The following LAMC3 variants were observed in gnomAD, a reference collection of about 807,000 sequenced individuals.
The protein encoded by LAMC3 is laminin subunit gamma 3, also known as laminin subunit gamma-3.
A neutral mutation model predicts 173.8 loss-of-function variants in LAMC3; 128 were observed. That is an observed-to-expected ratio of 0.74 (90% confidence interval 0.64 to 0.85). The LOEUF is 0.85. Among genes scored for constraint, LAMC3 ranks in the 40% least tolerant of loss-of-function variants. The probability of loss-of-function intolerance (pLI) is 0.00; values close to 1 mark genes in which losing one functional copy is unlikely to be tolerated. For synonymous variants in LAMC3, 897 were observed against 909.1 expected, an observed-to-expected ratio of 0.99 and a Z score of 0.24; for missense variants, 2,022 against 2,156.0, an observed-to-expected ratio of 0.94 and a Z score of 1.23.
At chr9:131,059,848 G>T (rs1267103684) in intron 12 of LAMC3, among the ~76,000 whole-genome samples, 1 of 152,238 alleles carries the variant, frequency 6.6e-6, no homozygotes, top group African/African-American at 2.4e-5. Context: ...CTGGGCCTAG[G>T]CTGGGACAGT....
At chr9:131,084,734 T>TA (rs373243323) in intron 24 of LAMC3, among the ~76,000 whole-genome samples, 19,759 of 143,386 alleles carry the variant, frequency 0.14, 1,303 homozygotes, top group South Asian at 0.22. Context: ...CCATCTCTAC[T>TA]AAAAAAAAAA....
Position 131,009,321 on chromosome 9 carries a change from T to C in LAMC3, c.107T>C (p.Leu36Pro). The C allele has an allele frequency of 1.4e-6, 2 of 1,477,604 alleles. No individual in the cohort carries two copies. Among genetic ancestry groups the C allele is most frequent in the Non-Finnish European group, 1.8e-6 (2 of 1,121,494 alleles). 91.5% of individuals were successfully genotyped at this position (1,477,604 alleles called of 1,614,324 possible). ...YDGAGRPQRC[L>P]PVFENAAFGR... Reference sequence around the variant, plus strand: ...GGCGCAGGGCGCCCGCAGCGCTGCCTGCCGGTGTTCGAGAACGCGGCGTTT... The same window carrying C: ...GGCGCAGGGCGCCCGCAGCGCTGCCCGCCGGTGTTCGAGAACGCGGCGTTT... Residue 36 changes from leucine to proline, a missense_variant, in exon 1 of 28, where the codon CTG becomes CCG. By Grantham distance (98) the Leu-to-Pro change is moderately conservative (BLOSUM62 -3). Coordinates refer to ENST00000361069, the MANE Select transcript of LAMC3 (RefSeq NM_006059.4). This position sits in a 1 kb window ranked among gnomAD's most constrained non-coding sequence, Gnocchi z 4.3.
chr9:131,017,078 G>T (rs1019068634), intron 1 of LAMC3, among the ~76,000 whole-genome samples: 6 of 152,224 alleles, frequency 3.9e-5, no homozygotes, highest in Admixed American at 6.5e-5. Context: ...TCTGGGGGCG[G>T]CCTGGTGTCT....
chr9:131,053,298 C>A (rs7864673), intron 11 of LAMC3, among the ~76,000 whole-genome samples: 1 of 151,970 alleles, frequency 6.6e-6, no homozygotes, highest in Admixed American at 6.5e-5. Context: ...AGCCCCCTGT[C>A]CCCGCTGGAC....
intron 24 of LAMC3, among the ~76,000 whole-genome samples, chr9:131,085,042 G>A (rs1023095289): frequency 2.0e-5 from 3 of 151,806 alleles, no homozygotes; most frequent in South Asian, 2.1e-4. Context: ...TGTCATTATC[G>A]AGATTTTCTG....
Position 131,066,781 on chromosome 9 carries a change from G to A in LAMC3, c.2348-179G>A, listed in dbSNP as rs55633258. Among the ~76,000 whole-genome samples, 873 of 152,296 alleles carry A rather than the reference G, an allele frequency of 5.7e-3. 9 individuals carry two copies. The highest frequency in any genetic ancestry group is 0.02 in the African/African-American group (834 of 41,552). On this transcript the variant is annotated intron_variant, in intron 13 of 27. Coordinates refer to ENST00000361069, the MANE Select transcript of LAMC3 (RefSeq NM_006059.4). ...AGGAACCTGAGCTCCTAGAGGCGCA[G>A]TGGCTTGCTCAGGACCACACAGCTG...
chr9:131,047,165 C>CTTTTTTTTTTTTTTT lies in LAMC3; in HGVS notation c.1519+1508_1519+1522dup, dbSNP rs398012456. 2.1e-4 allele frequency among the ~76,000 whole-genome samples: 21 copies of CTTTTTTTTTTTTTTT among 102,160 alleles called. 1 individual carries two copies. Among genetic ancestry groups the CTTTTTTTTTTTTTTT allele is most frequent in the African/African-American group, 6.8e-4 (18 of 26,588 alleles). The allele number at this position is 102,160 out of a possible 152,430, so 67.0% of individuals were successfully genotyped here. On this transcript the variant is annotated intron_variant, in intron 8 of 27. Transcript: ENST00000361069. ...AAAACTTTTTGGTCTCTGAATTCCT[C>CTTTTTTTTTTTTTTT]TTTTTTTTTTTTTTTTTAAGACGGA...
chr9:131,067,083 G>A lies in LAMC3; in HGVS notation c.2471G>A (p.Cys824Tyr). The stretch of plus-strand genomic sequence containing the variant: ...GTGGACCCCAATGCCGTGGGCAACT[G>A]TGACCCCCTGTCTGGCCACTGCCTG... ...GNVDPNAVGN[C>Y]DPLSGHCLRC... Residue 824 changes from cysteine (C) to tyrosine (Y), a missense_variant, in exon 14 of 28, where the codon TGT becomes TAT. Physicochemically the swap from Cys to Tyr is radical, Grantham distance 194 (BLOSUM62 -2). Transcript: ENST00000361069. 1 of 1,614,108 alleles carries A rather than the reference G, an allele frequency of 6.2e-7. No individual in the cohort carries two copies. Among genetic ancestry groups the A allele is most frequent in the Non-Finnish European group, 8.5e-7 (1 of 1,180,014 alleles).
chr9:131,073,097 C>T (rs777593243), intron 19 of LAMC3, 148 bp from the exon 20 acceptor site: 77 of 736,316 alleles, frequency 1.0e-4, no homozygotes, highest in Non-Finnish European at 1.5e-4. Context: ...CCTAGGACTC[C>T]GCTCACTGAA....
intron 27 of LAMC3, among the ~76,000 whole-genome samples, chr9:131,090,125 G>A (rs1289936643): frequency 2.0e-5 from 3 of 152,094 alleles, no homozygotes; most frequent in Non-Finnish European, 4.4e-5. Flanking sequence ...ATGTGCCCAG[G>A]GTCCCACAGC....
At chr9:131,087,395 T>C (rs1020785554) in intron 25 of LAMC3, 81 bp from the exon 26 acceptor site, 1 of 1,528,112 alleles carries the variant, frequency 6.5e-7, no homozygotes, top group Non-Finnish European at 9.1e-7. Flanking sequence ...CTGCTTGGCA[T>C]CATTGCCATA....
At chr9:131,055,898 A>G (rs1834396103) in intron 11 of LAMC3, among the ~76,000 whole-genome samples, 1 of 152,092 alleles carries the variant, frequency 6.6e-6, no homozygotes, top group Non-Finnish European at 1.5e-5. Context: ...AAAATCTCCT[A>G]TAACACTTAG....
rs1830318950 is a variant in LAMC3, at chr9:131,085,668, C to T, written c.4175C>T (p.Ser1392Phe). Residue 1392 changes from serine to phenylalanine, a missense_variant, in exon 25 of 28, where the codon TCC becomes TTC. Physicochemically the swap from Ser to Phe is radical, Grantham distance 155. Transcript: ENST00000361069. Reference protein sequence around the residue: ...RMLGNAAPLSSSAKKKGREAE... With the variant: ...RMLGNAAPLSFSAKKKGREAE... ...CTGGGAAACGCGGCCCCTCTTTCCT[C>T]CAGTGCCAAGAAGAAGGGCAGAGAA... 1 of 1,614,172 alleles carries T rather than the reference C, an allele frequency of 6.2e-7. No homozygotes were observed. The highest frequency in any genetic ancestry group is 1.3e-5 in the African/African-American group (1 of 75,056).
intron 13 of LAMC3, among the ~76,000 whole-genome samples, chr9:131,063,821 T>C (rs1829875855): frequency 6.6e-6 from 1 of 152,258 alleles, no homozygotes; most frequent in Non-Finnish European, 1.5e-5. Flanking sequence ...AGGCAGGTGC[T>C]AGCCTCGACC....
chr9:131,067,987 C>T, intron 14 of LAMC3, 91 bp from the exon 15 acceptor site: 1 of 1,350,068 alleles, frequency 7.4e-7, no homozygotes, highest in Non-Finnish European at 1.0e-6. Flanking sequence ...TCTCTGGAGG[C>T]TCCCCCATCT....
At chr9:131,060,839 G>T (rs1829793873) in intron 12 of LAMC3, among the ~76,000 whole-genome samples, 196 bp from the exon 13 acceptor site, 1 of 152,102 alleles carries the variant, frequency 6.6e-6, no homozygotes, top group African/African-American at 2.4e-5. Context: ...GCTTTGCACA[G>T]GCAGTAAGTG....
intron 2 of LAMC3, among the ~76,000 whole-genome samples, chr9:131,030,959 G>A (rs890937801): frequency 6.6e-6 from 1 of 152,256 alleles, no homozygotes; most frequent in Non-Finnish European, 1.5e-5. Context: ...GCATCCTGGG[G>A]TGATCCAGGC....
In LAMC3 at chr9:131,068,896, C is replaced by T. The variant is rs749883634; in HGVS notation, c.2748-12C>T. 1.5e-5 allele frequency: 24 copies of T among 1,613,804 alleles called. No individual in the cohort carries two copies. The highest frequency in any genetic ancestry group is 1.7e-5 in the Non-Finnish European group (20 of 1,180,018). ...GAGCTTGCCTCAGACCCAGTTCCTT[C>T]CCTGATCACAGCTGCAAGTGTCACC... is the stretch of plus-strand genomic sequence containing the variant. On this transcript the variant is annotated splice_polypyrimidine_tract_variant and intron_variant, in intron 15 of 27. Coordinates refer to ENST00000361069, the MANE Select transcript of LAMC3 (RefSeq NM_006059.4).
intron 1 of LAMC3, among the ~76,000 whole-genome samples, chr9:131,012,960 G>T (rs564501758): frequency 6.6e-6 from 1 of 152,354 alleles, no homozygotes; most frequent in East Asian, 1.9e-4. Flanking sequence ...GGCAGCAGTG[G>T]GCTCTGGCAG....
Sources: gnomAD v4.1 joint callset for allele counts (sites outside exome capture counted in the v4.1 genomes callset) on GRCh38, gnomAD v4.1.1 for gene constraint, Gnocchi (gnomAD v3.1) non-coding constraint, MANE v1.5 for transcripts, NCBI Gene and HGNC (gene_info 2026-07-23, HGNC 2026-07-21) for gene names.